CLEC16A: variants seen among roughly 807,000 people sequenced by gnomAD.
The protein encoded by CLEC16A is C-type lectin domain containing 16A.
Under a neutral mutation model 109.5 loss-of-function variants are expected in CLEC16A, and 51 were observed. The ratio of observed to expected loss-of-function variants is 0.47; its 90% CI spans 0.37 to 0.59. The LOEUF (loss-of-function observed/expected upper bound fraction) is 0.59. Among genes scored for constraint, CLEC16A ranks in the 20% least tolerant of loss-of-function variants. The probability of loss-of-function intolerance (pLI) is 0.00; values close to 1 mark genes in which losing one functional copy is unlikely to be tolerated. For synonymous variants in CLEC16A, 673 were observed against 564.2 expected (o/e 1.19, Z -2.73); for missense variants, 1,339 against 1,394.0 (o/e 0.96, Z 0.63).
intron 1 of CLEC16A, among the ~76,000 whole-genome samples, chr16:10,951,610 C>A (rs535383329): frequency 6.6e-6 from 1 of 152,188 alleles, no homozygotes; most frequent in Non-Finnish European, 1.5e-5. Flanking sequence ...CCCAAAGGGT[C>A]GATTGTTTCT....
chr16:11,038,606 C>T (rs1398768679), intron 13 of CLEC16A, among the ~76,000 whole-genome samples: 3 of 152,072 alleles, frequency 2.0e-5, no homozygotes, highest in African/African-American at 7.2e-5. Flanking sequence ...TTTCCTTTCC[C>T]ACTTACCTTC....
At chr16:11,062,121 G>A (rs61493638) in intron 19 of CLEC16A, among the ~76,000 whole-genome samples, 2,032 of 144,462 alleles carry the variant, frequency 0.014, 55 homozygotes, top group African/African-American at 0.051. Context: ...AGCTGGGGTC[G>A]CATGCCCAGC....
At chr16:11,006,476 C>G (rs7199305) in intron 11 of CLEC16A, among the ~76,000 whole-genome samples, 30,297 of 152,106 alleles carry the variant, frequency 0.2, 3,892 homozygotes, top group African/African-American at 0.37. Context: ...TATTTCTTCT[C>G]TAGAAGCTCC....
chr16:11,104,652 A>C (rs2051112810), intron 19 of CLEC16A, among the ~76,000 whole-genome samples: 1 of 152,222 alleles, frequency 6.6e-6, no homozygotes, highest in Non-Finnish European at 1.5e-5. Context: ...CATACCACGA[A>C]GGTGGAGAAA....
intron 22 of CLEC16A, among the ~76,000 whole-genome samples, chr16:11,162,091 C>T (rs1487588403): frequency 6.6e-6 from 1 of 152,244 alleles, no homozygotes; most frequent in East Asian, 1.9e-4. Context: ...AAATAGAAGA[C>T]TGACCTTTTC....
intron 19 of CLEC16A, among the ~76,000 whole-genome samples, chr16:11,093,863 G>C (rs1465114269): frequency 6.6e-6 from 1 of 152,160 alleles, no homozygotes; most frequent in Non-Finnish European, 1.5e-5. Context: ...GGAGGCGGCA[G>C]CTGGTGAAAC....
chr16:10,973,144 C>T, intron 7 of CLEC16A, 83 bp downstream of exon 7: 1 of 1,460,048 alleles, frequency 6.8e-7, no homozygotes, highest in East Asian at 2.5e-5. Context: ...AAAATAAACA[C>T]AAGAACCGCA....
At chr16:11,023,355 A>G (rs1408165949) in intron 12 of CLEC16A, among the ~76,000 whole-genome samples, 1 of 152,206 alleles carries the variant, frequency 6.6e-6, no homozygotes, top group Non-Finnish European at 1.5e-5. Flanking sequence ...TGAAAATATA[A>G]TCCAAATTTC....
At chr16:11,059,670 G>A (rs2048380012) in intron 18 of CLEC16A, among the ~76,000 whole-genome samples, 1 of 152,250 alleles carries the variant, frequency 6.6e-6, no homozygotes, top group Non-Finnish European at 1.5e-5. Context: ...TAAACAAGAA[G>A]ACCCAAAGGC....
At chr16:11,070,980 A>C (rs949962914) in intron 19 of CLEC16A, 2 of 152,234 alleles carry the variant, frequency 1.3e-5, no homozygotes, top group Admixed American at 6.5e-5. Context: ...TGAATATCAT[A>C]AAGATTCTGC....
intron 19 of CLEC16A, among the ~76,000 whole-genome samples, chr16:11,108,440 G>A (rs540533730): frequency 1.3e-5 from 2 of 152,380 alleles, no homozygotes; most frequent in African/African-American, 4.8e-5. Flanking sequence ...GGGCTTGCCT[G>A]TTGAGAGCTC....
Position 11,124,521 on chromosome 16 carries a change from T to A in CLEC16A, c.2473+575T>A, listed in dbSNP as rs1451141546. Among the ~76,000 whole-genome samples, 5 of 152,288 alleles carry A rather than the reference T, an allele frequency of 3.3e-5. No individual in the cohort carries two copies. The East Asian group carries it at 9.7e-4, about 29-fold the overall frequency. On this transcript the variant is annotated intron_variant, in intron 21 of 23. Transcript: ENST00000409790. ...ACATTTCACGGGGATTGCGGTGAAT[T>A]TCTGAGGAAGCCCAACACTGCCCAG...
intron 19 of CLEC16A, among the ~76,000 whole-genome samples, chr16:11,067,582 G>T (rs1426729216): frequency 6.6e-6 from 1 of 152,170 alleles, no homozygotes; most frequent in East Asian, 1.9e-4. Flanking sequence ...GGCCCTGTGG[G>T]CATATCAAGT....
chr16:11,038,048 G>A (rs1236895711), intron 13 of CLEC16A, among the ~76,000 whole-genome samples: 1 of 152,078 alleles, frequency 6.6e-6, no homozygotes, highest in Non-Finnish European at 1.5e-5. Context: ...GCGTTTTGGG[G>A]CATGAGAGAG....
intron 19 of CLEC16A, among the ~76,000 whole-genome samples, chr16:11,120,302 A>G (rs935825174): frequency 2.0e-5 from 3 of 152,238 alleles, no homozygotes; most frequent in Non-Finnish European, 4.4e-5. Flanking sequence ...CGGCTTGAGC[A>G]CCTAACATGC....
At chr16:11,041,040 C>T (rs879423031) in intron 14 of CLEC16A, 2 of 152,158 alleles carry the variant, frequency 1.3e-5, no homozygotes, top group African/African-American at 2.4e-5. Flanking sequence ...TTGAAAGACC[C>T]ACAGAGGAGT....
intron 10 of CLEC16A, among the ~76,000 whole-genome samples, chr16:10,988,207 T>G (rs559057724): frequency 1.3e-5 from 2 of 152,246 alleles, no homozygotes; most frequent in African/African-American, 4.8e-5. Context: ...TCATTACTTG[T>G]AGGTACTTTT....
intron 3 of CLEC16A, among the ~76,000 whole-genome samples, chr16:10,965,506 C>G (rs4781028): frequency 0.21 from 32,620 of 152,120 alleles, 3,786 homozygotes; most frequent in South Asian, 0.3. Context: ...ATCTCATTGT[C>G]CCGTTCTGTA....
chr16:10,964,866 C>CGT (rs2042425967), intron 3 of CLEC16A, among the ~76,000 whole-genome samples: 1 of 152,102 alleles, frequency 6.6e-6, no homozygotes, highest in African/African-American at 2.4e-5. Flanking sequence ...CACTTTTGTG[C>CGT]GTGTGTGTGG....
Sources: allele counts gnomAD v4.1 joint callset (sites outside exome capture counted in the v4.1 genomes callset), GRCh38; gene constraint gnomAD v4.1.1; transcripts MANE v1.5; gene names NCBI Gene and HGNC (gene_info 2026-07-23, HGNC 2026-07-21).